Variants in REPS2 observed in about 807,000 individuals in gnomAD.
The protein encoded by REPS2 is ralBP1-associated Eps domain-containing protein 2.
In REPS2, 23 loss-of-function variants were observed where a neutral mutation model predicts 53.6. The observed-to-expected ratio is 0.43, with a 90% CI of 0.31 to 0.61. The LOEUF (loss-of-function observed/expected upper bound fraction) is 0.61. REPS2 is among the 20% of genes least tolerant of loss of function. The probability of loss-of-function intolerance (pLI) is 0.11; values close to 1 mark genes in which losing one functional copy is unlikely to be tolerated. For missense variants in REPS2, 446 were observed against 534.9 expected, an observed-to-expected ratio of 0.83 and a Z score of 1.64; for synonymous variants, 238 against 218.6, an observed-to-expected ratio of 1.09 and a Z score of -0.78.
At chrX:17,171,059 C>T in the REPS2 span, among the ~76,000 whole-genome samples, 32 of 113,193 alleles carry the variant, frequency 2.8e-4, no homozygotes, top group African/African-American at 6.7e-4. Context: ...CACCAACAGA[C>T]GCCCTGCTTA....
At chrX:17,092,603 A>G (rs1396515160) in intron 13 of REPS2, among the ~76,000 whole-genome samples, 1 of 109,455 alleles carries the variant, frequency 9.1e-6, no homozygotes, top group Non-Finnish European at 1.9e-5. Flanking sequence ...ATAACACTTG[A>G]CGAATAAACC....
At chrX:17,153,478 G>A (rs2063587494), downstream of REPS2, among the ~76,000 whole-genome samples, 1 of 111,681 alleles carries the variant, frequency 9.0e-6, no homozygotes, top group Admixed American at 9.5e-5. Flanking sequence ...GGATATCATG[G>A]CTGACTCACA....
chrX:17,052,322 A>C, intron 6 of REPS2, 60 bp from the exon 7 acceptor site: 1 of 959,451 alleles, frequency 1.0e-6, no homozygotes, highest in Non-Finnish European at 1.5e-6. Context: ...TTTGTATATA[A>C]ATGTAAAAGC....
chrX:16,978,066 A>G (rs1451081820), intron 1 of REPS2, among the ~76,000 whole-genome samples: 2 of 111,847 alleles, frequency 1.8e-5, no homozygotes, highest in African/African-American at 6.5e-5. Flanking sequence ...TACTCTTCTT[A>G]CAGAGTAGGG....
intron 1 of REPS2, among the ~76,000 whole-genome samples, chrX:16,956,269 C>CA (rs1223602989): frequency 1.3e-3 from 106 of 80,077 alleles, no homozygotes; most frequent in African/African-American, 4.7e-3. Flanking sequence ...TGCATGTAAG[C>CA]AAAAAACCAC....
chrX:17,087,671 A>G (rs1328382259), intron 13 of REPS2, among the ~76,000 whole-genome samples: 1 of 111,815 alleles, frequency 8.9e-6, no homozygotes, highest in East Asian at 2.8e-4. Context: ...GCAGTGGCTC[A>G]TGCCTGTAAT....
chrX:17,024,076 C>T (rs142821542), intron 3 of REPS2, among the ~76,000 whole-genome samples: 1,907 of 107,035 alleles, frequency 0.018, 45 homozygotes, highest in African/African-American at 0.061. Context: ...ATTGCTTGAG[C>T]CCAAGAATTC....
At chrX:17,049,493 C>G (rs2061951013) in intron 6 of REPS2, among the ~76,000 whole-genome samples, 1 of 110,644 alleles carries the variant, frequency 9.0e-6, no homozygotes, top group African/African-American at 3.3e-5. Flanking sequence ...AGTATTTAAC[C>G]AAAAAGTTTA....
the REPS2 span, among the ~76,000 whole-genome samples, chrX:17,171,339 C>T: frequency 9.0e-6 from 1 of 111,603 alleles, no homozygotes; most frequent in East Asian, 2.8e-4. Flanking sequence ...ACCAGCTTGA[C>T]TCAGATTCTT....
At position 17,152,534 on chromosome X, in the gene REPS2, G is replaced by A. The variant is rs1232445415; in HGVS notation, c.*5053G>A. 1 of 111,940 alleles carries A rather than the reference G, an allele frequency of 8.9e-6. No individual in the cohort carries two copies. 9.2% of individuals were successfully genotyped at this position (111,940 alleles called of 1,213,427 possible). Reference sequence around the variant, plus strand: ...CCAGCAGACACCAGACTTTAAAAGTGCTTAAATTGGAATTTGGAAACTACA... The same window carrying A: ...CCAGCAGACACCAGACTTTAAAAGTACTTAAATTGGAATTTGGAAACTACA... On this transcript the variant is annotated 3_prime_UTR_variant, in exon 18 of 18. Coordinates refer to ENST00000357277, the MANE Select transcript of REPS2 (RefSeq NM_004726.3).
intron 14 of REPS2, among the ~76,000 whole-genome samples, chrX:17,107,597 T>C (rs1472251214): frequency 8.9e-6 from 1 of 112,521 alleles, no homozygotes; most frequent in Non-Finnish European, 1.9e-5. Context: ...CTCATACTTA[T>C]TCAAGCACCA....
intron 1 of REPS2, among the ~76,000 whole-genome samples, chrX:16,963,159 T>A (rs1361396337): frequency 8.9e-6 from 1 of 112,214 alleles, no homozygotes; most frequent in Non-Finnish European, 1.9e-5. Context: ...CAGGATTTGT[T>A]CTATTTGTTT....
intron 2 of REPS2, among the ~76,000 whole-genome samples, chrX:17,015,815 G>T (rs371241716): frequency 7.3e-5 from 8 of 110,034 alleles, no homozygotes; most frequent in Non-Finnish European, 1.1e-4. Flanking sequence ...CTATCATTGT[G>T]GGACATTTGG....
At position 17,111,102 on chromosome X, in the gene REPS2, C is replaced by T. The variant is rs189442033; in HGVS notation, c.1578+7323C>T. The stretch of plus-strand genomic sequence containing the variant: ...TACTTAACCTGTATTATATTGTTGT[C>T]AGCTTTCAAATATCTATAAGAAAAT... On this transcript the variant is annotated intron_variant, in intron 14 of 17. Coordinates refer to ENST00000357277, the MANE Select transcript of REPS2 (RefSeq NM_004726.3). Among the ~76,000 whole-genome samples the T allele has an allele frequency of 2.1e-4, 24 of 112,132 alleles. No homozygotes were observed. In the East Asian group the frequency reaches 5.0e-3, roughly 23 times the overall value.
At position 16,947,092 on chromosome X, in the gene REPS2, C is replaced by A. The variant is rs1456609853; in HGVS notation, c.231C>A (p.Asp77Glu). 9.1e-7 allele frequency: 1 copy of A among 1,098,481 alleles called. No individual in the cohort carries two copies. Among genetic ancestry groups the A allele is most frequent in the Non-Finnish European group, 1.2e-6 (1 of 845,516 alleles). 90.5% of individuals were successfully genotyped at this position (1,098,481 alleles called of 1,213,427 possible). A position where few individuals can be genotyped will look rare whatever the true frequency, so the allele number is the denominator to read the frequency against. Residue 77 changes from aspartate (D) to glutamate (E), a missense_variant, in exon 1 of 18, where the codon GAC becomes GAA. Coordinates refer to ENST00000357277, the MANE Select transcript of REPS2 (RefSeq NM_004726.3). ...CTGCGGCCGCCGGCCCCGTGGCTGA[C>A]CTGTTTCGGGCATCGCAGCTGCCCG... ...TATAAAGPVADLFRASQLPAE... is the reference protein window; with the variant it reads ...TATAAAGPVAELFRASQLPAE...
At chrX:17,063,880 C>T (rs1318154337) in intron 9 of REPS2, among the ~76,000 whole-genome samples, 8 of 107,256 alleles carry the variant, frequency 7.5e-5, no homozygotes, top group East Asian at 5.9e-4. Context: ...TTCTTTAAAA[C>T]GGCCATAAAA....
chrX:16,981,210 A>G (rs2061015817), intron 1 of REPS2, among the ~76,000 whole-genome samples: 1 of 111,515 alleles, frequency 9.0e-6, no homozygotes, highest in Admixed American at 9.5e-5. Context: ...ACAGTACTCC[A>G]TGGAGCAGAT....
chrX:17,017,244 T>C (rs751049919), intron 2 of REPS2, among the ~76,000 whole-genome samples: 1 of 112,340 alleles, frequency 8.9e-6, no homozygotes, highest in South Asian at 3.7e-4. Flanking sequence ...AGTGCTGGGA[T>C]CACAGGTGTG....
intron 17 of REPS2, among the ~76,000 whole-genome samples, chrX:17,139,628 C>T (rs2063417133): frequency 9.0e-6 from 1 of 111,580 alleles, no homozygotes; most frequent in African/African-American, 3.3e-5. Flanking sequence ...ACTCTGAAAT[C>T]AAGATATTGG....
Sources: gnomAD v4.1 joint callset for allele counts (sites outside exome capture counted in the v4.1 genomes callset) on GRCh38, gnomAD v4.1.1 for gene constraint, MANE v1.5 for transcripts, NCBI Gene and HGNC (gene_info 2026-07-23, HGNC 2026-07-21) for gene names.